GAB2: variants seen among roughly 807,000 people sequenced by gnomAD.
The protein encoded by GAB2 is GRB2-associated-binding protein 2.
GAB2 carries 26 observed loss-of-function variants against 65.5 expected under a neutral mutation model. The observed-to-expected ratio is 0.40, with a 90% confidence interval of 0.29 to 0.55. The LOEUF (loss-of-function observed/expected upper bound fraction) is 0.55, where lower values mean the gene tolerates loss of function less well. GAB2 is among the 20% of genes least tolerant of loss of function. The pLI is 0.53. For missense variants in GAB2, 884 were observed against 875.8 expected (o/e 1.01, Z -0.12); for synonymous variants, 321 against 329.6 (o/e 0.97, Z 0.28).
At position 78,222,180 on chromosome 11, in the gene GAB2, A is replaced by G. The variant is rs760849154; in HGVS notation, c.1583T>C (p.Leu528Pro). 6.2e-6 allele frequency: 10 copies of G among 1,613,428 alleles called. No homozygotes were observed. In the Admixed American group the frequency reaches 1.7e-4, roughly 27 times the overall value. ...KPDRKAKPTP[L>P]DLRNNTVIDE... The stretch of plus-strand genomic sequence containing the variant: ...GATGACGGTGTTGTTCCTCAGGTCA[A>G]GTGGTGTTGGCTTTGCTGGAGCAGG... The change falls in exon 7 of 10, where the codon CTT becomes CCT. Residue 528 changes from leucine (L) to proline (P), a missense_variant. Coordinates refer to ENST00000361507, the MANE Select transcript of GAB2 (RefSeq NM_080491.3).
chr11:78,355,414 C>A (rs981973781), intron 1 of GAB2, among the ~76,000 whole-genome samples: 6 of 152,152 alleles, frequency 3.9e-5, no homozygotes, highest in African/African-American at 1.4e-4. Flanking sequence ...AAGGCCAACT[C>A]TATTTGATCT....
chr11:78,286,698 T>G (rs1281641877), intron 1 of GAB2, among the ~76,000 whole-genome samples: 6 of 152,126 alleles, frequency 3.9e-5, no homozygotes, highest in Admixed American at 2.0e-4. Flanking sequence ...GAAAAAAGAA[T>G]AAGATAAAGA....
chr11:78,282,278 G>A (rs902852322), intron 1 of GAB2, among the ~76,000 whole-genome samples: 2 of 151,798 alleles, frequency 1.3e-5, no homozygotes, highest in African/African-American at 4.8e-5. Context: ...TCTGCGTTCA[G>A]TCTATGCTTT....
At chr11:78,220,180 A>G (rs936823525) in intron 9 of GAB2, 139 bp downstream of exon 9, 18 of 807,260 alleles carry the variant, frequency 2.2e-5, no homozygotes, top group Non-Finnish European at 3.2e-5. Context: ...ATGACTAAAG[A>G]TGCATCATAA....
In GAB2 at chr11:78,301,337, G is replaced by GT. The variant is rs946148307; in HGVS notation, c.76-20437dup. 8.3e-4 allele frequency among the ~76,000 whole-genome samples: 119 copies of GT among 143,534 alleles called. 1 individual carries two copies. The highest frequency in any genetic ancestry group is 1.5e-3 in the South Asian group (7 of 4,530). The allele number at this position is 143,534 out of a possible 152,430, so 94.2% of individuals were successfully genotyped here. On this transcript the variant is annotated intron_variant, in intron 1 of 9. Transcript: ENST00000361507. The stretch of plus-strand genomic sequence containing the variant: ...TCTTAGTGGTATCTTGTGGTTTTTT[G>GT]TTTTTTTTTTGAGACAGAGTCTTGC...
chr11:78,383,112 G>A (rs563208221), intron 1 of GAB2, among the ~76,000 whole-genome samples: 4 of 152,096 alleles, frequency 2.6e-5, no homozygotes, highest in Admixed American at 2.0e-4. Flanking sequence ...GTCTCTACCA[G>A]TAACACAAAA....
At chr11:78,306,344 C>T (rs556251727) in intron 1 of GAB2, among the ~76,000 whole-genome samples, 14 of 152,270 alleles carry the variant, frequency 9.2e-5, no homozygotes, top group Non-Finnish European at 1.5e-4. Flanking sequence ...AATTCTCCTG[C>T]CTCAGCCTCC....
chr11:78,281,531 C>G (rs779605037), intron 1 of GAB2, among the ~76,000 whole-genome samples: 5 of 152,190 alleles, frequency 3.3e-5, no homozygotes, highest in Non-Finnish European at 5.9e-5. Flanking sequence ...CAGGCATGAG[C>G]CACCATGCCC....
At chr11:78,416,419 TG>T (rs1447749688) in intron 1 of GAB2, among the ~76,000 whole-genome samples, 2 of 152,226 alleles carry the variant, frequency 1.3e-5, no homozygotes, top group African/African-American at 4.8e-5. Context: ...GATTCTGATC[TG>T]GGGAGCCAAG....
chr11:78,246,963 T>C (rs567278074), intron 3 of GAB2, among the ~76,000 whole-genome samples: 1 of 152,330 alleles, frequency 6.6e-6, no homozygotes, highest in East Asian at 1.9e-4. Context: ...ATCCTAAGAC[T>C]CACATAGTTT....
chr11:78,222,114 G>C lies in GAB2; in HGVS notation c.1649C>G (p.Ser550Cys). ...ACACATACGCACTTACTTGGCCCTA[G>C]ACCAAGACTTGGTGATAGGTGACTT... ...PFKSPITKSW[S>C]RANHTFNSSS... Residue 550 changes from serine (S) to cysteine (C), a missense_variant, in exon 7 of 10, where the codon TCT becomes TGT. Coordinates refer to ENST00000361507, the MANE Select transcript of GAB2 (RefSeq NM_080491.3). 6.2e-7 allele frequency: 1 copy of C among 1,610,016 alleles called. No individual in the cohort carries two copies. Among genetic ancestry groups the C allele is most frequent in the Non-Finnish European group, 8.5e-7 (1 of 1,176,276 alleles).
rs1864198350 is a variant in GAB2 at position 78,217,332 on chromosome 11, C to T, written c.*1940G>A. 1 of 152,200 alleles carries T rather than the reference C, an allele frequency of 6.6e-6. No homozygotes were observed. Among genetic ancestry groups the T allele is most frequent in the Non-Finnish European group, 1.5e-5 (1 of 68,048 alleles). 9.4% of individuals were successfully genotyped at this position (152,200 alleles called of 1,614,324 possible). ...AGTGCTTAACCCCAGAAACTGGAGA[C>T]AGCAGCCATTAATAAATACTCCTTG... On this transcript the variant is annotated 3_prime_UTR_variant, in exon 10 of 10. Coordinates refer to ENST00000361507, the MANE Select transcript of GAB2 (RefSeq NM_080491.3).
intron 2 of GAB2, among the ~76,000 whole-genome samples, chr11:78,275,038 T>C (rs971631157): frequency 6.6e-6 from 1 of 152,234 alleles, no homozygotes; most frequent in African/African-American, 2.4e-5. Context: ...ACAGAACAGA[T>C]GCTCAATACA....
chr11:78,317,450 C>G (rs900819338), intron 1 of GAB2, among the ~76,000 whole-genome samples: 7 of 149,822 alleles, frequency 4.7e-5, no homozygotes, highest in Admixed American at 1.4e-4. Context: ...GTCCCAGCCA[C>G]TCGGGAGGCT....
intron 5 of GAB2, among the ~76,000 whole-genome samples, chr11:78,224,840 A>G (rs1864574585): frequency 6.6e-6 from 1 of 152,024 alleles, no homozygotes; most frequent in South Asian, 2.1e-4. Flanking sequence ...GCCTGGGTCT[A>G]TTGCATTCTA....
intron 1 of GAB2, among the ~76,000 whole-genome samples, chr11:78,299,923 T>C (rs115787811): frequency 0.011 from 1,689 of 152,318 alleles, 27 homozygotes; most frequent in African/African-American, 0.039. Flanking sequence ...TGATCCTTTT[T>C]TTTTCTTTTG....
At chr11:78,295,016 C>G (rs1487466478) in intron 1 of GAB2, among the ~76,000 whole-genome samples, 1 of 152,120 alleles carries the variant, frequency 6.6e-6, no homozygotes, top group Non-Finnish European at 1.5e-5. Flanking sequence ...TATCCAGAAT[C>G]TACAATGAAC....
At chr11:78,322,797 T>TAAAAAAAAAAAA (rs34497179) in intron 1 of GAB2, among the ~76,000 whole-genome samples, 1 of 117,834 alleles carries the variant, frequency 8.5e-6, no homozygotes, top group African/African-American at 3.1e-5. Context: ...TACTGAAAAG[T>TAAAAAAAAAAAA]AAAAAAAAAA....
chr11:78,362,729 T>C (rs1856450016), intron 1 of GAB2, among the ~76,000 whole-genome samples: 1 of 152,110 alleles, frequency 6.6e-6, no homozygotes, highest in African/African-American at 2.4e-5. Flanking sequence ...TTTTTAAAGA[T>C]ACACCTAAAA....
Sources: allele counts gnomAD v4.1 joint callset (sites outside exome capture counted in the v4.1 genomes callset), GRCh38; gene constraint gnomAD v4.1.1; transcripts MANE v1.5; gene names NCBI Gene and HGNC (gene_info 2026-07-23, HGNC 2026-07-21).